KCNU1: variants seen among roughly 807,000 people sequenced by gnomAD.
The protein encoded by KCNU1 is potassium channel subfamily U member 1.
In KCNU1, 93 loss-of-function variants were observed where a neutral mutation model predicts 126.8. The ratio of observed to expected loss-of-function variants is 0.73; its 90% confidence interval spans 0.62 to 0.87. KCNU1 has a LOEUF of 0.87. KCNU1 is among the 40% of genes least tolerant of loss of function. The pLI is 0.00. For synonymous variants in KCNU1, 523 were observed against 494.2 expected (o/e 1.06, Z -0.77); for missense variants, 1,330 against 1,367.1 (o/e 0.97, Z 0.43).
intron 18 of KCNU1, among the ~76,000 whole-genome samples, chr8:36,853,725 C>G (rs1423601864): frequency 3.9e-5 from 6 of 151,970 alleles, no homozygotes; most frequent in Admixed American, 2.0e-4. Flanking sequence ...ATGTATTATT[C>G]TGTTGTTAGA....
chr8:36,890,930 A>G (rs1806938541), intron 19 of KCNU1, among the ~76,000 whole-genome samples: 1 of 151,824 alleles, frequency 6.6e-6, no homozygotes, highest in Non-Finnish European at 1.5e-5. Context: ...TTTACTTTCA[A>G]CCTATTTTTG....
chr8:36,837,769 G>A (rs1410431796), intron 14 of KCNU1, among the ~76,000 whole-genome samples: 3 of 152,202 alleles, frequency 2.0e-5, no homozygotes, highest in Non-Finnish European at 2.9e-5. Context: ...CAGGCAAGGT[G>A]TGCTAGCCCT....
intron 24 of KCNU1, among the ~76,000 whole-genome samples, chr8:36,930,522 G>A (rs924840271): frequency 6.6e-6 from 1 of 152,126 alleles, no homozygotes; most frequent in Non-Finnish European, 1.5e-5. Context: ...CTCAAGTATA[G>A]ATGACAATAA....
intron 9 of KCNU1, 110 bp downstream of exon 9, chr8:36,815,797 A>G: frequency 1.6e-6 from 1 of 636,740 alleles, no homozygotes; most frequent in Non-Finnish European, 2.8e-6. Context: ...AGGTGAATAT[A>G]TCAGCAACAT....
intron 10 of KCNU1, among the ~76,000 whole-genome samples, chr8:36,828,779 C>T (rs539811823): frequency 2.0e-4 from 31 of 151,982 alleles, no homozygotes; most frequent in Non-Finnish European, 4.0e-4. Context: ...TGTGCTTGTA[C>T]GTGTGTGTGC....
chr8:36,807,493 A>G, intron 6 of KCNU1, 43 bp downstream of exon 6: 2 of 1,392,746 alleles, frequency 1.4e-6, no homozygotes, highest in Non-Finnish European at 2.0e-6. Context: ...ATTAGTTTGG[A>G]TTAGAAAATG....
intron 19 of KCNU1, among the ~76,000 whole-genome samples, chr8:36,904,360 T>C (rs1330752909): frequency 6.6e-6 from 1 of 152,064 alleles, no homozygotes; most frequent in Non-Finnish European, 1.5e-5. Context: ...CTGTCTCTTC[T>C]CACATTTCAT....
At chr8:36,794,965 A>C (rs1803040394) in intron 2 of KCNU1, among the ~76,000 whole-genome samples, 1 of 152,094 alleles carries the variant, frequency 6.6e-6, no homozygotes, top group Admixed American at 6.6e-5. Flanking sequence ...CAAAAACATA[A>C]GAAATGAAAG....
chr8:36,864,037 C>A (rs1805815300), intron 18 of KCNU1, among the ~76,000 whole-genome samples: 1 of 152,130 alleles, frequency 6.6e-6, no homozygotes, highest in African/African-American at 2.4e-5. Context: ...TGGGCAGCAT[C>A]TGCAGGAAGG....
intron 19 of KCNU1, among the ~76,000 whole-genome samples, chr8:36,896,872 T>A (rs1807211890): frequency 6.6e-6 from 1 of 152,074 alleles, no homozygotes; most frequent in African/African-American, 2.4e-5. Flanking sequence ...TTATTTATAT[T>A]TGTATTAAGA....
At chr8:36,808,505 A>T (rs1309327240) in intron 6 of KCNU1, among the ~76,000 whole-genome samples, 1 of 152,068 alleles carries the variant, frequency 6.6e-6, no homozygotes, top group Non-Finnish European at 1.5e-5. Flanking sequence ...TCAACCTCTA[A>T]TGTGTATATG....
intron 19 of KCNU1, among the ~76,000 whole-genome samples, chr8:36,891,746 A>G (rs1269447397): frequency 6.6e-6 from 1 of 152,058 alleles, no homozygotes; most frequent in Admixed American, 6.6e-5. Flanking sequence ...TTCTTAACTG[A>G]TAAGCCTTTT....
intron 2 of KCNU1, among the ~76,000 whole-genome samples, chr8:36,793,571 C>T (rs1802981566): frequency 6.6e-6 from 1 of 151,936 alleles, no homozygotes; most frequent in East Asian, 1.9e-4. Flanking sequence ...GTTTCTTGCA[C>T]CTATCTTGAG....
At chr8:36,787,463 T>A in intron 2 of KCNU1, 38 bp downstream of exon 2, 1 of 1,568,328 alleles carries the variant, frequency 6.4e-7, no homozygotes, top group Admixed American at 1.9e-5. Context: ...TAACAAACTT[T>A]AGCCATAGGT....
At chr8:36,881,132 C>T (rs924054468) in intron 19 of KCNU1, among the ~76,000 whole-genome samples, 1 of 152,158 alleles carries the variant, frequency 6.6e-6, no homozygotes, top group Non-Finnish European at 1.5e-5. Flanking sequence ...CTGACAAGAC[C>T]GGGCAGCCAC....
intron 22 of KCNU1, among the ~76,000 whole-genome samples, chr8:36,917,997 G>T (rs1808184106): frequency 6.6e-6 from 1 of 152,166 alleles, no homozygotes; most frequent in African/African-American, 2.4e-5. Flanking sequence ...GCTCAAAGAG[G>T]CAGAGAATAC....
chr8:36,868,018 A>G (rs1451399173), intron 19 of KCNU1, among the ~76,000 whole-genome samples: 1 of 152,182 alleles, frequency 6.6e-6, no homozygotes, highest in Non-Finnish European at 1.5e-5. Flanking sequence ...AAATCAAGGT[A>G]GGTTTGCATG....
intron 19 of KCNU1, among the ~76,000 whole-genome samples, chr8:36,883,028 A>G (rs1806545851): frequency 6.6e-6 from 1 of 152,130 alleles, no homozygotes; most frequent in African/African-American, 2.4e-5. Context: ...ACAAAGATAT[A>G]TTGAATGAGT....
At position 36,935,809 on chromosome 8, in the gene KCNU1, C is replaced by T; in HGVS notation, c.3339C>T (p.Asn1113=). The T allele has an allele frequency of 6.2e-7, 1 of 1,613,092 alleles. No individual in the cohort carries two copies. The highest frequency in any genetic ancestry group is 1.1e-5 in the South Asian group (1 of 91,052). Residue 1113 remains asparagine (N), a synonymous_variant, in exon 27 of 27, where the codon AAC becomes AAT. Coordinates refer to ENST00000399881, the MANE Select transcript of KCNU1 (RefSeq NM_001031836.3). ...TAGCATGGAATCAGAGTAGAACAAA[C>T]AGTATTATATCATCTCAGATACCTT... ...KQIAWNQSRT[N]SIISSQIPLG...
Sources: gnomAD v4.1 joint callset for allele counts (sites outside exome capture counted in the v4.1 genomes callset) on GRCh38, gnomAD v4.1.1 for gene constraint, MANE v1.5 for transcripts, NCBI Gene and HGNC (gene_info 2026-07-23, HGNC 2026-07-21) for gene names.